Variants in FAM184B observed in about 807,000 individuals in gnomAD.
FAM184B encodes the protein family with sequence similarity 184 member B.
In FAM184B, 111 loss-of-function variants were observed where a neutral mutation model predicts 135.9. That is an observed-to-expected ratio of 0.82 (90% CI 0.70 to 0.96). The LOEUF is 0.96. Ranked by LOEUF, FAM184B falls within the 40% of genes least tolerant of loss-of-function variation. The pLI is 0.00. For synonymous variants in FAM184B, 552 were observed against 524.8 expected, an observed-to-expected ratio of 1.05 and a Z score of -0.71; for missense variants, 1,375 against 1,323.9, an observed-to-expected ratio of 1.04 and a Z score of -0.60.
rs34886078 is a variant in FAM184B, at chr4:17,641,643, CTTTTTTTTT to C, written c.2519+404_2519+412del. On this transcript the variant is annotated intron_variant, in intron 13 of 17. Transcript: ENST00000265018. The stretch of plus-strand genomic sequence containing the variant: ...ACAGGCACACACCACCACGCCCGGC[CTTTTTTTTT>C]TTTTTTTTTTTTTTTTTTTGTATTT... Among the ~76,000 whole-genome samples the C allele has an allele frequency of 2.1e-3, 52 of 24,376 alleles. No homozygotes were observed. In the East Asian group the frequency reaches 0.024, roughly 11 times the overall value. 16.0% of individuals were successfully genotyped at this position (24,376 alleles called of 152,430 possible).
chr4:17,741,031 G>A (rs1005576666), intron 1 of FAM184B, among the ~76,000 whole-genome samples: 7 of 152,116 alleles, frequency 4.6e-5, no homozygotes, highest in African/African-American at 4.8e-5. Context: ...CTGCTTATGC[G>A]CACATCTCTC....
intron 1 of FAM184B, among the ~76,000 whole-genome samples, chr4:17,739,553 C>CTTTTTTTTTTTTTT (rs1560190028): frequency 0.013 from 115 of 8,580 alleles, 1 homozygote; most frequent in East Asian, 0.03. Flanking sequence ...GTCATACCAA[C>CTTTTTTTTTTTTTT]TGTTTTTTTT....
Position 17,633,683 on chromosome 4 carries a change from C to T in FAM184B, c.3089+6G>A, listed in dbSNP as rs1220171277. Reference sequence around the variant, plus strand: ...TAAGGGCCCCTGTCCCCAACATCCCCCAAACCTTGTGGCAGTTTTTGCATC... The same window carrying T: ...TAAGGGCCCCTGTCCCCAACATCCCTCAAACCTTGTGGCAGTTTTTGCATC... On this transcript the variant is annotated splice_donor_region_variant and intron_variant, in intron 17 of 17. Coordinates refer to ENST00000265018, the MANE Select transcript of FAM184B (RefSeq NM_015688.2). The T allele has an allele frequency of 3.9e-6, 6 of 1,522,692 alleles. No individual in the cohort carries two copies. The highest frequency in any genetic ancestry group is 5.1e-5 in the East Asian group (2 of 39,540). The allele number at this position is 1,522,692 out of a possible 1,614,324, so 94.3% of individuals were successfully genotyped here.
At chr4:17,697,805 A>G (rs1190227011) in intron 5 of FAM184B, among the ~76,000 whole-genome samples, 1 of 152,222 alleles carries the variant, frequency 6.6e-6, no homozygotes, top group Non-Finnish European at 1.5e-5. Flanking sequence ...TTCGCAGTCT[A>G]CAAGTGATTA....
At chr4:17,650,291 G>C (rs1221379197) in intron 11 of FAM184B, among the ~76,000 whole-genome samples, 1 of 149,220 alleles carries the variant, frequency 6.7e-6, no homozygotes, top group South Asian at 2.2e-4. Context: ...CAGGTCAGTT[G>C]TGTCTCACAC....
At position 17,759,176 on chromosome 4, in the gene FAM184B, T is replaced by C. The variant is rs1410104217; in HGVS notation, c.141+21983A>G. 4.6e-5 allele frequency among the ~76,000 whole-genome samples: 7 copies of C among 152,304 alleles called. No homozygotes were observed. In the East Asian group the frequency reaches 9.7e-4, roughly 21 times the overall value. ...CTGGCTTCTGTTTCTCCCAGTCTCC[T>C]TGATATGGTTTGGATTTGTGTCCCC... On this transcript the variant is annotated intron_variant, in intron 1 of 17. Transcript: ENST00000265018.
intron 12 of FAM184B, among the ~76,000 whole-genome samples, chr4:17,643,338 C>A (rs1577243645): frequency 2.0e-5 from 3 of 152,116 alleles, no homozygotes. Flanking sequence ...TTTGCCGACA[C>A]CCCTGCATCT....
intron 1 of FAM184B, among the ~76,000 whole-genome samples, chr4:17,732,276 C>A (rs1441249707): frequency 2.6e-5 from 4 of 152,078 alleles, no homozygotes; most frequent in Admixed American, 1.3e-4. Flanking sequence ...ATTAAAAGAA[C>A]AAGAAAAGCA....
At chr4:17,689,230 G>A (rs1374924809) in intron 6 of FAM184B, among the ~76,000 whole-genome samples, 1 of 152,182 alleles carries the variant, frequency 6.6e-6, no homozygotes, top group East Asian at 1.9e-4. Flanking sequence ...GGTAAAATGA[G>A]AAAAGAGTGG....
At chr4:17,701,997 G>A (rs577088820) in intron 5 of FAM184B, among the ~76,000 whole-genome samples, 2 of 152,250 alleles carry the variant, frequency 1.3e-5, no homozygotes, top group Admixed American at 6.5e-5. Flanking sequence ...AGTGGCTTCC[G>A]TATTAGATAG....
Position 17,642,063 on chromosome 4 carries a change from G to C in FAM184B, c.2512C>G (p.Gln838Glu), listed in dbSNP as rs1715336083. ...GCGCGCCGGGTCACCCACCTGCGCT[G>C]GTCTCGGAGCTTCTGCGCCTCCTGC... Reference protein sequence around the residue: ...HQQEAQKLRDQRRFLEETQQA... With the variant: ...HQQEAQKLRDERRFLEETQQA... The change falls in exon 13 of 18, where the codon CAG (glutamine) becomes GAG (glutamate). Residue 838 changes from glutamine to glutamate, a missense_variant. Transcript: ENST00000265018. The C allele has an allele frequency of 1.2e-5, 18 of 1,530,528 alleles. No individual in the cohort carries two copies. The highest frequency in any genetic ancestry group is 2.0e-5 in the Admixed American group (1 of 50,758). 94.8% of individuals were successfully genotyped at this position (1,530,528 alleles called of 1,614,324 possible).
chr4:17,745,754 C>G (rs1577286993), intron 1 of FAM184B, among the ~76,000 whole-genome samples: 1 of 152,314 alleles, frequency 6.6e-6, no homozygotes, highest in East Asian at 1.9e-4. Flanking sequence ...ACAGGTGAAT[C>G]CTCCTTCTCT....
intron 13 of FAM184B, among the ~76,000 whole-genome samples, chr4:17,641,155 G>T: frequency 6.6e-6 from 1 of 151,840 alleles, no homozygotes; most frequent in Non-Finnish European, 1.5e-5. Flanking sequence ...GCTGGTCTTG[G>T]ACTCCTGACC....
intron 1 of FAM184B, among the ~76,000 whole-genome samples, chr4:17,780,545 C>T (rs1198972298): frequency 6.6e-6 from 1 of 152,036 alleles, no homozygotes; most frequent in African/African-American, 2.4e-5. Flanking sequence ...ATCAGAGCCC[C>T]CTGCACGAGG....
At chr4:17,660,415 T>C (rs963406605) in intron 8 of FAM184B, among the ~76,000 whole-genome samples, 1 of 152,142 alleles carries the variant, frequency 6.6e-6, no homozygotes, top group African/African-American at 2.4e-5. Flanking sequence ...GAGTTACTGA[T>C]ATGAGGTCTT....
In FAM184B at chr4:17,781,300, C is replaced by G; in HGVS notation, c.-1G>C. Reference sequence around the variant, plus strand: ...TTTTGCTGTTGAGAGCAGAAGCCATCGCTAAAACGCGCCCAGCACTCAGAC... The same window carrying G: ...TTTTGCTGTTGAGAGCAGAAGCCATGGCTAAAACGCGCCCAGCACTCAGAC... On this transcript the variant is annotated 5_prime_UTR_variant, in exon 1 of 18. Transcript: ENST00000265018. This position sits in a 1 kb window ranked among gnomAD's most constrained non-coding sequence, Gnocchi z 6.5. 3 of 1,529,346 alleles carry G rather than the reference C, an allele frequency of 2.0e-6. No homozygotes were observed. The highest frequency in any genetic ancestry group is 2.6e-6 in the Non-Finnish European group (3 of 1,132,448). The allele number at this position is 1,529,346 out of a possible 1,614,324, so 94.7% of individuals were successfully genotyped here.
At chr4:17,731,332 A>G (rs1717770125) in intron 1 of FAM184B, among the ~76,000 whole-genome samples, 1 of 152,254 alleles carries the variant, frequency 6.6e-6, no homozygotes, top group Non-Finnish European at 1.5e-5. Context: ...TAACAATATT[A>G]ACTTTAAATG....
At chr4:17,649,916 T>C (rs1298624546) in intron 11 of FAM184B, among the ~76,000 whole-genome samples, 3 of 132,788 alleles carry the variant, frequency 2.3e-5, no homozygotes, top group African/African-American at 9.9e-5. Flanking sequence ...GTCCATCCAT[T>C]CATCCATCCA....
chr4:17,702,916 T>C (rs1717023395), intron 5 of FAM184B, among the ~76,000 whole-genome samples: 1 of 152,148 alleles, frequency 6.6e-6, no homozygotes, highest in African/African-American at 2.4e-5. Flanking sequence ...TTGCAGCTCA[T>C]GTGGAGAAAA....
Sources: gnomAD v4.1 joint callset for allele counts (sites outside exome capture counted in the v4.1 genomes callset) on GRCh38, gnomAD v4.1.1 for gene constraint, Gnocchi (gnomAD v3.1) non-coding constraint, MANE v1.5 for transcripts, NCBI Gene and HGNC (gene_info 2026-07-23, HGNC 2026-07-21) for gene names.